Variants in LIMCH1 observed in about 807,000 individuals in gnomAD.
LIMCH1 encodes the protein LIM and calponin homology domains-containing protein 1.
In LIMCH1, 113 loss-of-function variants were observed where a neutral mutation model predicts 176.5. The observed-to-expected ratio is 0.64, with a 90% CI of 0.55 to 0.75. LIMCH1 has a LOEUF of 0.75. LIMCH1 is among the 30% of genes least tolerant of loss of function. The pLI is 0.00. For synonymous variants in LIMCH1, 619 were observed against 645.9 expected, an observed-to-expected ratio of 0.96 and a Z score of 0.63; for missense variants, 1,674 against 1,814.9, an observed-to-expected ratio of 0.92 and a Z score of 1.41.
intron 15 of LIMCH1, 111 bp downstream of exon 15, chr4:41,644,737 A>G: frequency 7.4e-7 from 1 of 1,344,770 alleles, no homozygotes; most frequent in Non-Finnish European, 1.0e-6. Context: ...GAGCCCCTAG[A>G]GGGTTTCAAA....
chr4:41,525,292 A>T (rs1163688226), intron 3 of LIMCH1, among the ~76,000 whole-genome samples: 2 of 152,158 alleles, frequency 1.3e-5, no homozygotes, highest in Non-Finnish European at 1.5e-5. Flanking sequence ...CTCGGTAATG[A>T]CTCACTGATT....
intron 1 of LIMCH1, among the ~76,000 whole-genome samples, chr4:41,409,762 T>C (rs947456030): frequency 6.6e-6 from 1 of 152,182 alleles, no homozygotes; most frequent in Non-Finnish European, 1.5e-5. Flanking sequence ...TGCCAGACTT[T>C]ACAGCTGTAC....
chr4:41,685,168 T>C (rs1487269176), intron 27 of LIMCH1, among the ~76,000 whole-genome samples: 1 of 152,226 alleles, frequency 6.6e-6, no homozygotes, highest in Non-Finnish European at 1.5e-5. Flanking sequence ...AAATAAATAT[T>C]TTTTAATGGT....
intron 1 of LIMCH1, among the ~76,000 whole-genome samples, chr4:41,553,121 T>C (rs1184407870): frequency 6.6e-6 from 1 of 152,212 alleles, no homozygotes. Context: ...CCAGTTGGTC[T>C]CTGCGAGATC....
At position 41,561,869 on chromosome 4, in the gene LIMCH1, T is replaced by C. The variant is rs146504461; in HGVS notation, c.-241+23519T>C. On this transcript the variant is annotated intron_variant, in intron 1 of 31. Transcript: ENST00000503057. ...GACGGATGTCACAAGAGCATGCACT[T>C]CAGTAAACATTTGCTTGAAAATGGT... 7.0e-3 allele frequency among the ~76,000 whole-genome samples: 1,066 copies of C among 152,270 alleles called. 5 individuals carry two copies. The highest frequency in any genetic ancestry group is 0.024 in the African/African-American group (1,017 of 41,574).
At chr4:41,541,270 G>A (rs924042261) in intron 1 of LIMCH1, among the ~76,000 whole-genome samples, 19 of 152,262 alleles carry the variant, frequency 1.2e-4, no homozygotes, top group African/African-American at 4.6e-4. Flanking sequence ...GACCCTTAGA[G>A]TCCCAAAGCC....
chr4:41,665,380 C>T (rs2094787536), intron 20 of LIMCH1, among the ~76,000 whole-genome samples: 1 of 152,194 alleles, frequency 6.6e-6, no homozygotes, highest in Admixed American at 6.5e-5. Context: ...AAGGCTAGAC[C>T]TTATCATTTG....
rs369760310 is a variant in LIMCH1, at chr4:41,681,012, G to A, written c.3670G>A (p.Asp1224Asn). 6.2e-7 allele frequency: 1 copy of A among 1,612,918 alleles called. No homozygotes were observed. Residue 1224 changes from aspartate (D) to asparagine (N), a missense_variant, in exon 25 of 32, where the codon GAC (aspartate) becomes AAC (asparagine). By Grantham distance (23) the Asp-to-Asn change is conservative. Coordinates refer to ENST00000503057, the MANE Select transcript of LIMCH1 (RefSeq NM_001330672.2). ...VPFTVSSSSADQLSTSSSMTE... is the reference protein window; with the variant it reads ...VPFTVSSSSANQLSTSSSMTE... Reference sequence around the variant, plus strand: ...ATTTACTGTTTCTTCAAGTTCCGCTGACCAGCTGTCTACCTCTTCCTCCAT... The same window carrying A: ...ATTTACTGTTTCTTCAAGTTCCGCTAACCAGCTGTCTACCTCTTCCTCCAT...
At chr4:41,471,646 T>G (rs1023856151) in intron 1 of LIMCH1, among the ~76,000 whole-genome samples, 2 of 152,236 alleles carry the variant, frequency 1.3e-5, no homozygotes, top group Non-Finnish European at 2.9e-5. Context: ...GCCAAATGGC[T>G]GGATTTGGCC....
intron 2 of LIMCH1, among the ~76,000 whole-genome samples, chr4:41,518,914 C>T (rs1017774034): frequency 2.0e-4 from 21 of 103,214 alleles, no homozygotes; most frequent in Admixed American, 1.6e-3. Flanking sequence ...GACATGAACA[C>T]ATTTTTTTTT....
intron 18 of LIMCH1, among the ~76,000 whole-genome samples, chr4:41,654,882 T>C (rs2094420575): frequency 6.6e-6 from 1 of 152,220 alleles, no homozygotes; most frequent in African/African-American, 2.4e-5. Context: ...GGGGTTTTGT[T>C]CATTTCAGCA....
At chr4:41,396,731 T>G (rs1354420392) in intron 1 of LIMCH1, among the ~76,000 whole-genome samples, 1 of 151,870 alleles carries the variant, frequency 6.6e-6, no homozygotes, top group Admixed American at 6.6e-5. Flanking sequence ...TGAAACCCTG[T>G]CCCTACTAAA....
At chr4:41,384,402 G>T (rs139343445) in intron 1 of LIMCH1, among the ~76,000 whole-genome samples, 4,164 of 151,892 alleles carry the variant, frequency 0.027, 91 homozygotes, top group Middle Eastern at 0.061. Context: ...TAGAGACGGG[G>T]TTTCACCGTA....
At chr4:41,602,869 T>A (rs1019664376) in intron 2 of LIMCH1, among the ~76,000 whole-genome samples, 2 of 152,036 alleles carry the variant, frequency 1.3e-5, no homozygotes, top group Admixed American at 1.3e-4. Flanking sequence ...ATCCCATTTT[T>A]TTTCCTATTA....
At position 41,619,456 on chromosome 4, in the gene LIMCH1, C is replaced by T. The variant is rs746415436; in HGVS notation, c.458+16C>T. ...GGCCCTTCAGGTAAGGCCTGAGCAC[C>T]GCTGCCCTCTTCCTGGCTTGGGCAT... On this transcript the variant is annotated intron_variant, in intron 6 of 31. Coordinates refer to ENST00000503057, the MANE Select transcript of LIMCH1 (RefSeq NM_001330672.2). 9.4e-6 allele frequency: 15 copies of T among 1,603,876 alleles called. 1 individual carries two copies. In the Admixed American group the frequency reaches 1.5e-4, roughly 16 times the overall value.
At chr4:41,613,049 C>G (rs2091640925) in intron 4 of LIMCH1, 1 of 1,552,032 alleles carries the variant, frequency 6.4e-7, no homozygotes, top group Admixed American at 2.0e-5. Flanking sequence ...AAACCAGGGG[C>G]TCATTCCCAG....
At chr4:41,603,744 T>C in intron 2 of LIMCH1, 131 bp from the exon 3 acceptor site, 1 of 598,554 alleles carries the variant, frequency 1.7e-6, no homozygotes, top group South Asian at 3.1e-5. Flanking sequence ...ACTTAAGCCT[T>C]AAAAAATAAT....
At position 41,692,323 on chromosome 4, in the gene LIMCH1, G is replaced by C; in HGVS notation, c.4317G>C (p.Gly1439=). Residue 1439 remains glycine, a synonymous_variant, in exon 31 of 32, where the codon GGG becomes GGC. Coordinates refer to ENST00000503057, the MANE Select transcript of LIMCH1 (RefSeq NM_001330672.2). ...CKGQLGDAVS[G]TDVRIRNGLL... ...GCCAGCTTGGAGATGCAGTGAGTGG[G>C]ACGGATGTTAGGATTCGAAATGGTC... 6.2e-7 allele frequency: 1 copy of C among 1,613,640 alleles called. No homozygotes were observed. The highest frequency in any genetic ancestry group is 8.5e-7 in the Non-Finnish European group (1 of 1,179,624).
intron 1 of LIMCH1, among the ~76,000 whole-genome samples, chr4:41,387,378 T>G (rs1229099438): frequency 1.3e-5 from 2 of 152,260 alleles, no homozygotes; most frequent in African/African-American, 2.4e-5. Flanking sequence ...AATACATTTA[T>G]TTTACAATGA....
Sources: gnomAD v4.1 joint callset for allele counts (sites outside exome capture counted in the v4.1 genomes callset) on GRCh38, gnomAD v4.1.1 for gene constraint, MANE v1.5 for transcripts, NCBI Gene and HGNC (gene_info 2026-07-23, HGNC 2026-07-21) for gene names.